The following AP1M1 variants were observed in gnomAD, a reference collection of about 807,000 sequenced individuals.
AP1M1 encodes the protein adaptor related protein complex 1 subunit mu 1.
Under a neutral mutation model 57.1 loss-of-function variants are expected in AP1M1, and 18 were observed. The observed-to-expected ratio is 0.32, with a 90% CI of 0.22 to 0.47. AP1M1 has a LOEUF of 0.47. Ranked by LOEUF, AP1M1 falls within the 20% of genes least tolerant of loss-of-function variation. The probability of loss-of-function intolerance (pLI) is 1.00; values close to 1 mark genes in which losing one functional copy is unlikely to be tolerated. For missense variants in AP1M1, 362 were observed against 593.5 expected, an observed-to-expected ratio of 0.61 and a Z score of 4.05; for synonymous variants, 241 against 237.9, an observed-to-expected ratio of 1.01 and a Z score of -0.12.
chr19:16,216,881 G>T (rs2145126977), intron 5 of AP1M1, among the ~76,000 whole-genome samples: 1 of 152,344 alleles, frequency 6.6e-6, no homozygotes, highest in East Asian at 1.9e-4. Context: ...ACTTCATAGG[G>T]TAGTGGCAGC....
chr19:16,233,694 T>TG (rs903152433), intron 10 of AP1M1, 76 bp downstream of exon 10: 1 of 1,504,122 alleles, frequency 6.6e-7, no homozygotes, highest in African/African-American at 1.4e-5. Context: ...GCAGCCAGCT[T>TG]GGGAAAGGGT....
chr19:16,216,925 G>A (rs1050530781), intron 5 of AP1M1, among the ~76,000 whole-genome samples: 2 of 152,252 alleles, frequency 1.3e-5, no homozygotes, highest in Non-Finnish European at 2.9e-5. Context: ...GCCAGCGGCA[G>A]CACAGCGGGG....
intron 5 of AP1M1, among the ~76,000 whole-genome samples, chr19:16,212,048 G>A (rs1368071167): frequency 6.6e-6 from 1 of 152,120 alleles, no homozygotes; most frequent in Non-Finnish European, 1.5e-5. Flanking sequence ...CAAGGATATT[G>A]GCCTGAAGTT....
Position 16,236,060 on chromosome 19 carries a change from G to A in AP1M1, c.*1625G>A, listed in dbSNP as rs1442884014. ...AGCCCAGGCCTCAGACCAAAGCCCT[G>A]AAGGCATCCCTGGGGCCCCTCCCCT... On this transcript the variant is annotated 3_prime_UTR_variant, in exon 12 of 12. Transcript: ENST00000291439. 1 of 152,430 alleles carries A rather than the reference G, an allele frequency of 6.6e-6. No homozygotes were observed. Among genetic ancestry groups the A allele is most frequent in the Non-Finnish European group, 1.5e-5 (1 of 68,228 alleles). 9.4% of individuals were successfully genotyped at this position (152,430 alleles called of 1,614,324 possible).
chr19:16,240,476 TTTC>T lies in AP1M1; in HGVS notation c.*6042_*6044del, dbSNP rs2091641863. On this transcript the variant is annotated 3_prime_UTR_variant, in exon 12 of 12. Transcript: ENST00000291439. ...TTTTTTGTTTTTCATTTTGACGGAG[TTTC>T]GCGTTTGTTGCCCAGGCTGGAGTGC... is the stretch of plus-strand genomic sequence containing the variant. The T allele has an allele frequency of 6.6e-6, 1 of 151,850 alleles. No individual in the cohort carries two copies. The highest frequency in any genetic ancestry group is 2.1e-4 in the South Asian group (1 of 4,818). 9.4% of individuals were successfully genotyped at this position (151,850 alleles called of 1,614,324 possible). A position where few individuals can be genotyped will look rare whatever the true frequency, so the allele number is the denominator to read the frequency against.
rs1391943022 is a variant in AP1M1 at position 16,228,355 on chromosome 19, G to C, written c.888+147G>C. Reference sequence around the variant, plus strand: ...TGCAGGAGTGACCTGACACTGAGGGGACACCGCCTGGGGCCTGCTCCTAGA... The same window carrying C: ...TGCAGGAGTGACCTGACACTGAGGGCACACCGCCTGGGGCCTGCTCCTAGA... On this transcript the variant is annotated intron_variant, in intron 8 of 11. Transcript: ENST00000291439. The surrounding 1 kb of genome is among the most constrained non-coding windows in gnomAD (Gnocchi z 5.0). The C allele has an allele frequency of 7.1e-6, 6 of 841,806 alleles. No homozygotes were observed. Among genetic ancestry groups the C allele is most frequent in the Admixed American group, 6.3e-5 (3 of 47,436 alleles). The allele number at this position is 841,806 out of a possible 1,614,324, so 52.1% of individuals were successfully genotyped here.
chr19:16,229,577 CCT>C (rs570592720), intron 9 of AP1M1, among the ~76,000 whole-genome samples: 151 of 152,312 alleles, frequency 9.9e-4, no homozygotes, highest in Admixed American at 2.0e-3. Flanking sequence ...CATGTTCTCC[CCT>C]CTCTCTCCAT....
intron 5 of AP1M1, among the ~76,000 whole-genome samples, chr19:16,218,371 CTGGCCG>C (rs2091527858): frequency 6.6e-6 from 1 of 152,250 alleles, no homozygotes; most frequent in Admixed American, 6.5e-5. Context: ...GCCAACGCAG[CTGGCCG>C]TGGCAGTCGA....
intron 5 of AP1M1, among the ~76,000 whole-genome samples, chr19:16,220,429 C>A (rs1292874223): frequency 6.6e-6 from 1 of 151,772 alleles, no homozygotes; most frequent in African/African-American, 2.4e-5. Context: ...CTTGCTCTGT[C>A]ACCCAGGCTG....
Position 16,234,625 on chromosome 19 carries a change from C to T in AP1M1, c.*190C>T, listed in dbSNP as rs1312437720. On this transcript the variant is annotated 3_prime_UTR_variant, in exon 12 of 12. Transcript: ENST00000291439. ...ACACTCGTCTCAGAAGCCCCTTTCC[C>T]AGAAGAGGCTGGTCTTCAAGAAGTC... is the stretch of plus-strand genomic sequence containing the variant. The T allele has an allele frequency of 1.5e-6, 1 of 653,424 alleles. No homozygotes were observed. Among genetic ancestry groups the T allele is most frequent in the South Asian group, 1.9e-5 (1 of 53,136 alleles). The allele number at this position is 653,424 out of a possible 1,614,324, so 40.5% of individuals were successfully genotyped here.
intron 2 of AP1M1, among the ~76,000 whole-genome samples, chr19:16,204,784 C>T (rs529892660): frequency 2.0e-5 from 3 of 149,922 alleles, no homozygotes; most frequent in African/African-American, 7.4e-5. Flanking sequence ...GTAGATTTCA[C>T]CTGGCTCTGG....
intron 1 of AP1M1, chr19:16,202,854 G>A (rs2145112762): frequency 6.5e-6 from 1 of 153,792 alleles, no homozygotes; most frequent in Non-Finnish European, 1.4e-5. Flanking sequence ...CCAGAGAGAG[G>A]AATGACTGGA....
chr19:16,234,037 T>C (rs1463886502), intron 10 of AP1M1, 162 bp from the exon 11 acceptor site: 8 of 693,080 alleles, frequency 1.2e-5, no homozygotes, highest in Non-Finnish European at 1.9e-5. Flanking sequence ...TCCCACACAT[T>C]TGCATGGTCC....
chr19:16,201,212 C>T (rs530878567), intron 1 of AP1M1, among the ~76,000 whole-genome samples: 50 of 152,100 alleles, frequency 3.3e-4, no homozygotes, highest in African/African-American at 1.2e-3. Context: ...AGGCCCCTTT[C>T]TGGGTGCTGG....
chr19:16,228,341 C>T lies in AP1M1; in HGVS notation c.888+133C>T, dbSNP rs897587169. The stretch of plus-strand genomic sequence containing the variant: ...ACTGTGGCCTCAGATGCAGGAGTGA[C>T]CTGACACTGAGGGGACACCGCCTGG... On this transcript the variant is annotated intron_variant, in intron 8 of 11. Coordinates refer to ENST00000291439, the MANE Select transcript of AP1M1 (RefSeq NM_032493.4). This position sits in a 1 kb window ranked among gnomAD's most constrained non-coding sequence, Gnocchi z 5.0. 26 of 935,278 alleles carry T rather than the reference C, an allele frequency of 2.8e-5. No homozygotes were observed. In the African/African-American group the frequency reaches 3.9e-4, roughly 14 times the overall value. The allele number at this position is 935,278 out of a possible 1,614,324, so 57.9% of individuals were successfully genotyped here. A position where few individuals can be genotyped will look rare whatever the true frequency, so the allele number is the denominator to read the frequency against.
chr19:16,228,273 C>T lies in AP1M1; in HGVS notation c.888+65C>T. ...TCTCTGGCCCGTCCCAGGAGCCTAA[C>T]CGAGGGCTGGGGGTGCCGTAGGGCT... On this transcript the variant is annotated intron_variant, in intron 8 of 11. Coordinates refer to ENST00000291439, the MANE Select transcript of AP1M1 (RefSeq NM_032493.4). The surrounding 1 kb of genome is among the most constrained non-coding windows in gnomAD (Gnocchi z 5.0). The T allele has an allele frequency of 6.5e-7, 1 of 1,545,722 alleles. No individual in the cohort carries two copies. The highest frequency in any genetic ancestry group is 8.9e-7 in the Non-Finnish European group (1 of 1,129,110).
In AP1M1 at chr19:16,239,681, T is replaced by G. The variant is rs1199323738; in HGVS notation, c.*5246T>G. 1 of 151,750 alleles carries G rather than the reference T, an allele frequency of 6.6e-6. No individual in the cohort carries two copies. Among genetic ancestry groups the G allele is most frequent in the Non-Finnish European group, 1.5e-5 (1 of 67,972 alleles). 9.4% of individuals were successfully genotyped at this position (151,750 alleles called of 1,614,324 possible). ...ATACCTGTAATCCCAGCTACTCAGG[T>G]GGCTGGGGCAGGAGATTCGCTTGAA... is the stretch of plus-strand genomic sequence containing the variant. On this transcript the variant is annotated 3_prime_UTR_variant, in exon 12 of 12. Transcript: ENST00000291439.
At position 16,241,470 on chromosome 19, in the gene AP1M1, A is replaced by G. The variant is rs921035950; in HGVS notation, c.*7035A>G. 1.3e-5 allele frequency: 2 copies of G among 152,190 alleles called. No homozygotes were observed. Among genetic ancestry groups the G allele is most frequent in the African/African-American group, 2.4e-5 (1 of 41,448 alleles). 9.4% of individuals were successfully genotyped at this position (152,190 alleles called of 1,614,324 possible). ...AAACTGTCATTGACTGTGTAAAGCA[A>G]TAATAACAGTGACTAACGTATAGAG... On this transcript the variant is annotated 3_prime_UTR_variant, in exon 12 of 12. Coordinates refer to ENST00000291439, the MANE Select transcript of AP1M1 (RefSeq NM_032493.4).
Position 16,227,607 on chromosome 19 carries a change from T to A in AP1M1, c.733T>A (p.Ser245Thr), listed in dbSNP as rs763828773. 6.2e-7 allele frequency: 1 copy of A among 1,614,070 alleles called. No individual in the cohort carries two copies. The highest frequency in any genetic ancestry group is 2.2e-5 in the East Asian group (1 of 44,880). ...DVKFHQCVRL[S>T]RFENDRTISF... The stretch of plus-strand genomic sequence containing the variant: ...GAAGTTCCACCAGTGTGTGCGGCTA[T>A]CACGCTTCGAGAATGACCGCACCAT... The change falls in exon 7 of 12, where the codon TCA becomes ACA. Residue 245 changes from serine to threonine, a missense_variant. Around this residue, in one of 2 missense-constraint regions of AP1M1, gnomAD observed 337 missense variants for 511.1 expected, o/e 0.66. Transcript: ENST00000291439. The surrounding 1 kb of genome is among the most constrained non-coding windows in gnomAD (Gnocchi z 6.2).
Sources: allele counts gnomAD v4.1 joint callset (sites outside exome capture counted in the v4.1 genomes callset), GRCh38; gene constraint gnomAD v4.1.1; regional missense constraint gnomAD v4.1.1; non-coding constraint Gnocchi (gnomAD v3.1); transcripts MANE v1.5; gene names NCBI Gene and HGNC (gene_info 2026-07-23, HGNC 2026-07-21).